Variants in ABR observed in about 807,000 individuals in gnomAD.
The protein encoded by ABR is ABR activator of RhoGEF and GTPase.
A neutral mutation model predicts 107.2 loss-of-function variants in ABR; 35 were observed. That is an observed-to-expected ratio of 0.33 (90% CI 0.25 to 0.43). ABR has a LOEUF of 0.43. Ranked by LOEUF, ABR falls within the 20% of genes least tolerant of loss-of-function variation. The pLI is 1.00. For synonymous variants in ABR, 498 were observed against 462.0 expected (o/e 1.08, Z -1.00); for missense variants, 815 against 1,115.2 (o/e 0.73, Z 3.83).
chr17:1,031,896 G>A (rs1208349524), intron 16 of ABR: 3 of 500,068 alleles, frequency 6.0e-6, no homozygotes, highest in Non-Finnish European at 7.4e-6. Flanking sequence ...CCCTCCCTCC[G>A]TCCGCGTCCC....
intron 2 of ABR, among the ~76,000 whole-genome samples, chr17:1,107,185 C>T (rs1286495895): frequency 1.3e-5 from 2 of 152,246 alleles, no homozygotes; most frequent in African/African-American, 2.4e-5. Context: ...CCGGTGCTCA[C>T]GGGGACCCAG....
At chr17:1,014,566 C>T (rs958165395) in intron 16 of ABR, among the ~76,000 whole-genome samples, 10 of 150,944 alleles carry the variant, frequency 6.6e-5, no homozygotes, top group South Asian at 2.1e-4. Context: ...AGGCCAGGCA[C>T]GGTGGCTCAT....
rs1778030763 is a variant in ABR at position 1,027,570 on chromosome 17, G to A, written c.1792-14406C>T. ...GTGAGGTCTGCCCACTCGGCAGGTG[G>A]GTAAGTGCTGTGGAAAAGAGGGAGG... is the stretch of plus-strand genomic sequence containing the variant. On this transcript the variant is annotated intron_variant, in intron 16 of 22. Coordinates refer to ENST00000302538, the MANE Select transcript of ABR (RefSeq NM_021962.5). The surrounding 1 kb of genome is among the most constrained non-coding windows in gnomAD (Gnocchi z 4.7). Among the ~76,000 whole-genome samples, 1 of 152,178 alleles carries A rather than the reference G, an allele frequency of 6.6e-6. No homozygotes were observed. Among genetic ancestry groups the A allele is most frequent in the African/African-American group, 2.4e-5 (1 of 41,438 alleles).
chr17:1,209,225 C>T (rs1238218578), intron 1 of ABR, among the ~76,000 whole-genome samples: 1 of 151,874 alleles, frequency 6.6e-6, no homozygotes, highest in South Asian at 2.1e-4. Context: ...TCTGCAGCTG[C>T]GTTGAAGTGG....
At chr17:1,189,117 G>A (rs555660035), upstream of ABR, among the ~76,000 whole-genome samples, 1 of 152,176 alleles carries the variant, frequency 6.6e-6, no homozygotes, top group Non-Finnish European at 1.5e-5. Context: ...CATGACTCGT[G>A]TTCTCCCGAA....
At chr17:1,202,485 C>T (rs2042689112) in intron 1 of ABR, among the ~76,000 whole-genome samples, 1 of 152,180 alleles carries the variant, frequency 6.6e-6, no homozygotes, top group Non-Finnish European at 1.5e-5. Flanking sequence ...CTTCAGCGAA[C>T]AGTCCCCAAA....
intron 2 of ABR, among the ~76,000 whole-genome samples, chr17:1,123,954 C>T (rs2039470763): frequency 6.6e-6 from 1 of 152,186 alleles, no homozygotes; most frequent in South Asian, 2.1e-4. Flanking sequence ...GACCAACCCC[C>T]TCGCCGGCCC....
intron 1 of ABR, among the ~76,000 whole-genome samples, chr17:1,136,465 G>A (rs1185166232): frequency 6.6e-6 from 1 of 152,162 alleles, no homozygotes; most frequent in East Asian, 1.9e-4. Flanking sequence ...CTGACCTCAA[G>A]TGATCCACCC....
At chr17:1,040,754 A>G (rs1161743162) in intron 16 of ABR, among the ~76,000 whole-genome samples, 1 of 152,180 alleles carries the variant, frequency 6.6e-6, no homozygotes, top group Non-Finnish European at 1.5e-5. Context: ...GGACCCTCAC[A>G]TTCAGTCCTC....
intron 1 of ABR, among the ~76,000 whole-genome samples, chr17:1,174,463 G>T (rs1453787583): frequency 6.6e-6 from 1 of 152,098 alleles, no homozygotes; most frequent in African/African-American, 2.4e-5. Context: ...GAGAATGTGG[G>T]GCTCAGATGA....
intron 2 of ABR, among the ~76,000 whole-genome samples, chr17:1,114,987 G>A (rs1287879836): frequency 6.6e-6 from 1 of 152,178 alleles, no homozygotes; most frequent in Non-Finnish European, 1.5e-5. Flanking sequence ...TCTCTCTCTC[G>A]TGAGAGTTCA....
At chr17:1,018,699 A>G (rs2071395581) in intron 16 of ABR, among the ~76,000 whole-genome samples, 1 of 152,086 alleles carries the variant, frequency 6.6e-6, no homozygotes, top group African/African-American at 2.4e-5. Context: ...CGTGAACTTC[A>G]ATTTCCTCAT....
chr17:1,196,664 C>T (rs2042573417), intron 1 of ABR, among the ~76,000 whole-genome samples: 1 of 150,706 alleles, frequency 6.6e-6, no homozygotes, highest in Non-Finnish European at 1.5e-5. Context: ...GAGAAGACGG[C>T]ACCACAGGAA....
chr17:1,159,275 CACACGGGAGAGG>C lies in ABR; in HGVS notation c.61+20380_61+20391del, dbSNP rs1231084153. 1.5e-3 allele frequency among the ~76,000 whole-genome samples: 107 copies of C among 71,406 alleles called. 4 individuals are homozygous for C. Among genetic ancestry groups the C allele is most frequent in the African/African-American group, 6.6e-3 (101 of 15,210 alleles). The allele number at this position is 71,406 out of a possible 152,430, so 46.8% of individuals were successfully genotyped here. Reference sequence around the variant, plus strand: ...GGGAGAAGTAGGAATGCGGTACTCACACACGGGAGAGGTAAGAATGCGGTACTCACACACAAG... The same window carrying C: ...GGGAGAAGTAGGAATGCGGTACTCACTAAGAATGCGGTACTCACACACAAG... On this transcript the variant is annotated intron_variant, in intron 1 of 22. Transcript: ENST00000302538.
intron 1 of ABR, among the ~76,000 whole-genome samples, chr17:1,208,685 G>A (rs1265758451): frequency 2.6e-5 from 4 of 152,236 alleles, no homozygotes; most frequent in Non-Finnish European, 2.9e-5. Flanking sequence ...TCGGGAGATC[G>A]AAACCATCCT....
At chr17:1,172,957 C>CCATCACCTCAGCCCACCCAACA (rs2041772116) in intron 1 of ABR, among the ~76,000 whole-genome samples, 2 of 110,188 alleles carry the variant, frequency 1.8e-5, no homozygotes, top group Non-Finnish European at 2.1e-5. Context: ...TCCACCCCCC[C>CCATCACCTCAGCCCACCCAACA]CATCACCTCA....
chr17:1,182,100 C>A (rs1192238659), upstream of ABR, among the ~76,000 whole-genome samples: 1 of 152,156 alleles, frequency 6.6e-6, no homozygotes, highest in African/African-American at 2.4e-5. Context: ...ACCCTCCACT[C>A]CACAACACGA....
chr17:1,146,963 A>G (rs2040582263), intron 1 of ABR, among the ~76,000 whole-genome samples: 1 of 152,186 alleles, frequency 6.6e-6, no homozygotes, highest in South Asian at 2.1e-4. Flanking sequence ...TTCATCCTTC[A>G]CATAAGCCAC....
chr17:1,099,849 C>T (rs1316234003), intron 3 of ABR, among the ~76,000 whole-genome samples: 3 of 152,144 alleles, frequency 2.0e-5, no homozygotes, highest in East Asian at 1.9e-4. Flanking sequence ...ACAGACAGGC[C>T]GGGCGCAGTG....
Sources: gnomAD v4.1 joint callset for allele counts (sites outside exome capture counted in the v4.1 genomes callset) on GRCh38, gnomAD v4.1.1 for gene constraint, Gnocchi (gnomAD v3.1) non-coding constraint, MANE v1.5 for transcripts, NCBI Gene and HGNC (gene_info 2026-07-23, HGNC 2026-07-21) for gene names.